Variants in OSBPL9 observed in about 807,000 individuals in gnomAD.
OSBPL9 encodes the protein oxysterol binding protein like 9.
In OSBPL9, 40 loss-of-function variants were observed where a neutral mutation model predicts 106.6. The ratio of observed to expected loss-of-function variants is 0.38; its 90% CI spans 0.29 to 0.49. The LOEUF (loss-of-function observed/expected upper bound fraction) is 0.49, where lower values mean the gene tolerates loss of function less well. Ranked by LOEUF, OSBPL9 falls within the 20% of genes least tolerant of loss-of-function variation. OSBPL9 has a pLI of 0.97. For synonymous variants in OSBPL9, 269 were observed against 295.4 expected, an observed-to-expected ratio of 0.91 and a Z score of 0.92; for missense variants, 609 against 887.2, an observed-to-expected ratio of 0.69 and a Z score of 3.98.
chr1:51,666,901 A>G (rs970178245), intron 2 of OSBPL9, among the ~76,000 whole-genome samples: 8 of 152,238 alleles, frequency 5.3e-5, no homozygotes, highest in Admixed American at 3.9e-4. Context: ...TACTCCGGCA[A>G]TAGCAAGGAC....
chr1:51,784,646 C>A, intron 20 of OSBPL9, 64 bp downstream of exon 20: 2 of 1,528,252 alleles, frequency 1.3e-6, no homozygotes, highest in Non-Finnish European at 1.8e-6. Context: ...TTGTCTTGAA[C>A]TACAGCTTCT....
intron 1 of OSBPL9, among the ~76,000 whole-genome samples, chr1:51,647,764 C>CT (rs987338972): frequency 2.0e-5 from 3 of 151,736 alleles, no homozygotes; most frequent in East Asian, 1.9e-4. Context: ...TTTGAATCCC[C>CT]TTTTTTTTCC....
intron 8 of OSBPL9, among the ~76,000 whole-genome samples, chr1:51,754,799 TACTC>T (rs1669979704): frequency 6.6e-6 from 1 of 152,156 alleles, no homozygotes; most frequent in East Asian, 1.9e-4. Context: ...TCTTCTTTCT[TACTC>T]TCTCTCTCAT....
At chr1:51,767,936 C>CT (rs869092922) in intron 12 of OSBPL9, among the ~76,000 whole-genome samples, 28,379 of 64,988 alleles carry the variant, frequency 0.44, 10,744 homozygotes, top group East Asian at 0.8. Context: ...TAAAGACCGT[C>CT]TTTTTTTTTT....
intron 9 of OSBPL9, chr1:51,756,712 G>A: frequency 9.7e-6 from 2 of 207,190 alleles, no homozygotes; most frequent in South Asian, 2.0e-4. Context: ...GGGTGGGGGA[G>A]TACAATATTG....
At chr1:51,554,183 T>C in the OSBPL9 span, among the ~76,000 whole-genome samples, 8 of 152,022 alleles carry the variant, frequency 5.3e-5, no homozygotes, top group African/African-American at 1.7e-4. Context: ...TAAATACATA[T>C]ACATACACAC....
chr1:51,765,345 A>G (rs1050603600), intron 11 of OSBPL9, among the ~76,000 whole-genome samples: 1 of 152,208 alleles, frequency 6.6e-6, no homozygotes, highest in African/African-American at 2.4e-5. Context: ...TGATTGCCAA[A>G]AAATATTGAA....
At chr1:51,747,946 C>A (rs577816598) in intron 6 of OSBPL9, among the ~76,000 whole-genome samples, 4 of 152,006 alleles carry the variant, frequency 2.6e-5, no homozygotes, top group African/African-American at 7.3e-5. Flanking sequence ...CCTGCCACCA[C>A]GCCCAGCTAA....
In OSBPL9 at chr1:51,772,648, A is replaced by G; in HGVS notation, c.1095A>G (p.Ala365=). 1 of 1,614,198 alleles carries G rather than the reference A, an allele frequency of 6.2e-7. No homozygotes were observed. The highest frequency in any genetic ancestry group is 8.5e-7 in the Non-Finnish European group (1 of 1,180,008). The part of the protein sequence containing the change: ...SHDDRDDDAE[A]GSVEEHKSVI... ...ATGACAGAGATGATGATGCGGAGGCAGGGTCTGTGGAGGAGCACAAGAGCG... is the reference window on the plus strand; with the variant it reads ...ATGACAGAGATGATGATGCGGAGGCGGGGTCTGTGGAGGAGCACAAGAGCG... The change falls in exon 14 of 24, where the codon GCA becomes GCG. Residue 365 remains alanine, a synonymous_variant. Coordinates refer to ENST00000428468, the MANE Select transcript of OSBPL9 (RefSeq NM_024586.6).
At chr1:51,553,772 G>A in the OSBPL9 span, among the ~76,000 whole-genome samples, 7 of 152,046 alleles carry the variant, frequency 4.6e-5, no homozygotes, top group South Asian at 2.1e-4. Flanking sequence ...TCCGCCTCCC[G>A]TGTTCAAGCG....
intron 3 of OSBPL9, among the ~76,000 whole-genome samples, chr1:51,699,509 T>A (rs954468622): frequency 6.6e-6 from 1 of 152,190 alleles, no homozygotes; most frequent in African/African-American, 2.4e-5. Context: ...TGTCTTTATT[T>A]ATTTTGATGC....
chr1:51,741,375 TTCTCTCTTTCCC>T (rs2148984592), intron 4 of OSBPL9, among the ~76,000 whole-genome samples: 1 of 152,048 alleles, frequency 6.6e-6, no homozygotes, highest in Admixed American at 6.6e-5. Context: ...CTTCTTTTCT[TTCTCTCTTTCCC>T]TCTCTCCTTC....
intron 4 of OSBPL9, among the ~76,000 whole-genome samples, chr1:51,736,488 C>A (rs1441263265): frequency 2.0e-5 from 3 of 151,662 alleles, no homozygotes; most frequent in African/African-American, 4.8e-5. Context: ...TTGTTATATT[C>A]TGCTGTAGAG....
At chr1:51,663,171 G>A (rs1647498715) in intron 2 of OSBPL9, among the ~76,000 whole-genome samples, 1 of 152,068 alleles carries the variant, frequency 6.6e-6, no homozygotes, top group African/African-American at 2.4e-5. Context: ...AGATGAGTGA[G>A]ACCTCTACTC....
At chr1:51,589,754 C>A (rs1189302096) in intron 1 of OSBPL9, among the ~76,000 whole-genome samples, 1 of 151,886 alleles carries the variant, frequency 6.6e-6, no homozygotes, top group African/African-American at 2.4e-5. Context: ...TAGGCAGGGG[C>A]CGGGCATGGT....
intron 1 of OSBPL9, among the ~76,000 whole-genome samples, chr1:51,589,093 T>C (rs1645260820): frequency 7.2e-6 from 1 of 139,828 alleles, no homozygotes; most frequent in African/African-American, 2.5e-5. Context: ...TTCTTTTCTT[T>C]TCTTTTTTTT....
chr1:51,614,017 G>A (rs534986892), upstream of OSBPL9, among the ~76,000 whole-genome samples: 5 of 150,420 alleles, frequency 3.3e-5, no homozygotes, highest in South Asian at 4.2e-4. Context: ...TCCTGGGCTC[G>A]AGCTGTCCTC....
chr1:51,694,369 A>C (rs1028471520), intron 3 of OSBPL9, among the ~76,000 whole-genome samples: 2 of 152,206 alleles, frequency 1.3e-5, no homozygotes, highest in African/African-American at 4.8e-5. Context: ...TATGCATTCA[A>C]TCTATTATGA....
Position 51,782,545 on chromosome 1 carries a change from A to G in OSBPL9, c.1429-14A>G. The G allele has an allele frequency of 6.2e-6, 10 of 1,610,832 alleles. No homozygotes were observed. The highest frequency in any genetic ancestry group is 8.5e-6 in the Non-Finnish European group (10 of 1,177,838). Reference sequence around the variant, plus strand: ...TTTCTCATCAAAAGAAAATTATGTTATATTTGCTTGCAGGAACTAGTTTCA... The same window carrying G: ...TTTCTCATCAAAAGAAAATTATGTTGTATTTGCTTGCAGGAACTAGTTTCA... On this transcript the variant is annotated splice_polypyrimidine_tract_variant and intron_variant, in intron 16 of 23. Transcript: ENST00000428468.
Sources: allele counts gnomAD v4.1 joint callset (sites outside exome capture counted in the v4.1 genomes callset), GRCh38; gene constraint gnomAD v4.1.1; transcripts MANE v1.5; gene names NCBI Gene and HGNC (gene_info 2026-07-23, HGNC 2026-07-21).